The following SLC1A7 variants were observed in gnomAD, a reference collection of about 807,000 sequenced individuals.
The protein encoded by SLC1A7 is excitatory amino acid transporter 5.
A neutral mutation model predicts 47.7 loss-of-function variants in SLC1A7; 40 were observed. That is an observed-to-expected ratio of 0.84 (90% CI 0.65 to 1.09). SLC1A7 has a LOEUF of 1.09. Ranked by LOEUF, SLC1A7 falls within the 50% of genes least tolerant of loss-of-function variation. The pLI, the probability that SLC1A7 is intolerant of heterozygous loss-of-function variation, is 0.00. For synonymous variants in SLC1A7, 323 were observed against 325.6 expected (o/e 0.99, Z 0.09); for missense variants, 746 against 769.5 (o/e 0.97, Z 0.36).
chr1:53,105,896 C>T (rs1644635638), intron 3 of SLC1A7, 122 bp from the exon 4 acceptor site: 1 of 753,968 alleles, frequency 1.3e-6, no homozygotes, highest in Admixed American at 2.0e-5. Context: ...GGCCAGCCTC[C>T]TCTGCAGTCT....
chr1:53,098,032 C>T (rs1557670855), intron 5 of SLC1A7, among the ~76,000 whole-genome samples: 1 of 151,618 alleles, frequency 6.6e-6, no homozygotes, highest in African/African-American at 2.4e-5. Flanking sequence ...TCGGTACACT[C>T]ACATACCCTG....
intron 5 of SLC1A7, among the ~76,000 whole-genome samples, chr1:53,097,915 T>G (rs1259830534): frequency 2.2e-5 from 3 of 136,886 alleles, no homozygotes; most frequent in Non-Finnish European, 3.2e-5. Context: ...CACCCCCACC[T>G]TGGTATACTC....
chr1:53,110,910 C>T (rs2150330254), intron 3 of SLC1A7, among the ~76,000 whole-genome samples: 1 of 152,184 alleles, frequency 6.6e-6, no homozygotes, highest in Admixed American at 6.5e-5. Flanking sequence ...TCCTGGGGAT[C>T]AGACCCCAAT....
At chr1:53,137,921 T>C (rs1447450899) in intron 1 of SLC1A7, among the ~76,000 whole-genome samples, 1 of 152,222 alleles carries the variant, frequency 6.6e-6, no homozygotes, top group Non-Finnish European at 1.5e-5. Flanking sequence ...CCCCTGTTTC[T>C]GGGATCCTTT....
At chr1:53,114,594 C>T (rs547344068) in intron 3 of SLC1A7, 164 bp downstream of exon 3, 33 of 626,068 alleles carry the variant, frequency 5.3e-5, no homozygotes, top group Non-Finnish European at 6.5e-5. Context: ...GTGGGGCAGA[C>T]GATGCAGCAT....
rs1448841352 is a variant in SLC1A7 at position 53,099,955 on chromosome 1, C to T, written c.697+3391G>A. ...TGTACATTCACACACCACACCACCT[C>T]GTTATACTCACACCATCTCAGTACA... On this transcript the variant is annotated intron_variant, in intron 5 of 10. Transcript: ENST00000371494. 4.7e-5 allele frequency among the ~76,000 whole-genome samples: 7 copies of T among 150,476 alleles called. No homozygotes were observed. The East Asian group carries it at 1.4e-3, about 30-fold the overall frequency.
At chr1:53,115,157 G>A (rs913342227) in intron 2 of SLC1A7, 184 bp from the exon 3 acceptor site, 37 of 612,582 alleles carry the variant, frequency 6.0e-5, no homozygotes, top group Admixed American at 3.3e-4. Context: ...TCTCCCCCAC[G>A]CCCCGGGGCG....
chr1:53,091,799 G>A (rs1383822499), intron 7 of SLC1A7, among the ~76,000 whole-genome samples: 1 of 152,168 alleles, frequency 6.6e-6, no homozygotes, highest in East Asian at 1.9e-4. Flanking sequence ...CCTTAATGTG[G>A]AGCTCAGACA....
At chr1:53,124,254 AC>A (rs199678262) in intron 2 of SLC1A7, among the ~76,000 whole-genome samples, 96 of 150,532 alleles carry the variant, frequency 6.4e-4, no homozygotes, top group African/African-American at 8.8e-4. Context: ...TACACAACAC[AC>A]ACACACACAC....
intron 2 of SLC1A7, among the ~76,000 whole-genome samples, chr1:53,127,135 C>A (rs540525292): frequency 7.2e-6 from 1 of 138,068 alleles, no homozygotes; most frequent in South Asian, 2.3e-4. Context: ...AAGTTCAGCT[C>A]CTAACTGTCC....
At chr1:53,123,031 G>A (rs1057149437) in intron 2 of SLC1A7, among the ~76,000 whole-genome samples, 6 of 152,052 alleles carry the variant, frequency 3.9e-5, no homozygotes, top group Admixed American at 3.3e-4. Context: ...CCAAGAGGGC[G>A]CTCCACTGGG....
At chr1:53,089,996 G>A in intron 8 of SLC1A7, 62 bp from the exon 9 acceptor site, 1 of 1,590,636 alleles carries the variant, frequency 6.3e-7, no homozygotes, top group Non-Finnish European at 8.6e-7. Flanking sequence ...GTCAGGGTCT[G>A]GCTCCAAGGA....
chr1:53,109,407 C>T (rs1031822965), intron 3 of SLC1A7, among the ~76,000 whole-genome samples: 6 of 152,166 alleles, frequency 3.9e-5, no homozygotes, highest in African/African-American at 1.2e-4. Flanking sequence ...TTCTGTTTTG[C>T]GTGCTGCACT....
intron 4 of SLC1A7, among the ~76,000 whole-genome samples, chr1:53,104,939 C>G (rs1399721518): frequency 6.6e-6 from 1 of 152,178 alleles, no homozygotes; most frequent in Non-Finnish European, 1.5e-5. Context: ...CCTAAGGGAA[C>G]ACTGAAAGGG....
chr1:53,138,881 C>G (rs982270372), intron 1 of SLC1A7, among the ~76,000 whole-genome samples: 1 of 151,920 alleles, frequency 6.6e-6, no homozygotes, highest in African/African-American at 2.4e-5. Flanking sequence ...CTGATTGTTC[C>G]TTCTTTTCAC....
chr1:53,098,887 T>C (rs1174614996), intron 5 of SLC1A7, among the ~76,000 whole-genome samples: 1 of 149,234 alleles, frequency 6.7e-6, no homozygotes, highest in Non-Finnish European at 1.5e-5. Context: ...ACTGCCTCGG[T>C]ACACCCACAC....
At chr1:53,112,505 G>C (rs1207038073) in intron 3 of SLC1A7, among the ~76,000 whole-genome samples, 2 of 152,254 alleles carry the variant, frequency 1.3e-5, no homozygotes, top group Non-Finnish European at 2.9e-5. Context: ...CAGGGAACGA[G>C]AGTTTCTTTA....
Position 53,087,208 on chromosome 1 carries a change from T to G in SLC1A7, c.*801A>C, listed in dbSNP as rs1644370043. 1 of 152,228 alleles carries G rather than the reference T, an allele frequency of 6.6e-6. No individual in the cohort carries two copies. Among genetic ancestry groups the G allele is most frequent in the East Asian group, 1.9e-4 (1 of 5,196 alleles). 9.4% of individuals were successfully genotyped at this position (152,228 alleles called of 1,614,324 possible). A position where few individuals can be genotyped will look rare whatever the true frequency, so the allele number is the denominator to read the frequency against. On this transcript the variant is annotated 3_prime_UTR_variant, in exon 11 of 11. Coordinates refer to ENST00000371494, the MANE Select transcript of SLC1A7 (RefSeq NM_006671.6). ...TGAAAAACAAAATACCTTTATTTAG[T>G]TAACACTGAATTTGCAAACACAGAA... is the stretch of plus-strand genomic sequence containing the variant.
At chr1:53,108,912 A>G (rs1223308293) in intron 3 of SLC1A7, among the ~76,000 whole-genome samples, 1 of 152,256 alleles carries the variant, frequency 6.6e-6, no homozygotes, top group Non-Finnish European at 1.5e-5. Context: ...ATTTTAATCA[A>G]GAATTATACC....
Sources: gnomAD v4.1 joint callset for allele counts (sites outside exome capture counted in the v4.1 genomes callset) on GRCh38, gnomAD v4.1.1 for gene constraint, MANE v1.5 for transcripts, NCBI Gene and HGNC (gene_info 2026-07-23, HGNC 2026-07-21) for gene names.